ANKRD30A: variants seen among roughly 807,000 people sequenced by gnomAD.
ANKRD30A encodes ankyrin repeat domain 30A, also known as ankyrin repeat domain-containing protein 30A.
A neutral mutation model predicts 166.3 loss-of-function variants in ANKRD30A; 170 were observed. That is an observed-to-expected ratio of 1.02 (90% CI 0.90 to 1.16). The LOEUF (loss-of-function observed/expected upper bound fraction) is 1.16. Ranked by LOEUF, ANKRD30A falls within the 50% of genes most tolerant of loss-of-function variation. The pLI, the probability that ANKRD30A is intolerant of heterozygous loss-of-function variation, is 0.00. For synonymous variants in ANKRD30A, 564 were observed against 508.9 expected, an observed-to-expected ratio of 1.11 and a Z score of -1.46; for missense variants, 1,630 against 1,518.0, an observed-to-expected ratio of 1.07 and a Z score of -1.23.
chr10:37,213,141 T>G (rs1842424343), intron 31 of ANKRD30A, among the ~76,000 whole-genome samples: 1 of 151,856 alleles, frequency 6.6e-6, no homozygotes. Context: ...CTCTGATGTT[T>G]TAGTTCTCTT....
intron 34 of ANKRD30A, among the ~76,000 whole-genome samples, chr10:37,220,653 C>T (rs1481132015): frequency 6.6e-6 from 1 of 151,070 alleles, no homozygotes; most frequent in Non-Finnish European, 1.5e-5. Context: ...AATATTGTTA[C>T]AAATAATTTG....
intron 12 of ANKRD30A, among the ~76,000 whole-genome samples, chr10:37,153,272 T>G (rs1195846450): frequency 6.6e-6 from 1 of 152,216 alleles, no homozygotes; most frequent in Non-Finnish European, 1.5e-5. Flanking sequence ...GTTAGATATT[T>G]TTAAGAGAGA....
In ANKRD30A at chr10:37,193,031, T is replaced by A. The variant is rs781486578; in HGVS notation, c.2513-33T>A. 2.6e-5 allele frequency: 42 copies of A among 1,603,662 alleles called. 1 individual carries two copies. The Middle Eastern group carries it at 8.8e-4, about 33-fold the overall frequency. On this transcript the variant is annotated intron_variant, in intron 25 of 35. Transcript: ENST00000361713. Reference sequence around the variant, plus strand: ...TTCGGTAGGCTTTGTCAAGCTTGCATACAATAAATTATATATGTCCCTTTT... The same window carrying A: ...TTCGGTAGGCTTTGTCAAGCTTGCAAACAATAAATTATATATGTCCCTTTT...
chr10:37,136,004 G>A (rs937549930), intron 5 of ANKRD30A, among the ~76,000 whole-genome samples: 2 of 152,014 alleles, frequency 1.3e-5, no homozygotes, highest in African/African-American at 4.8e-5. Context: ...GTTGCCCAGG[G>A]TTGTCATGAA....
intron 10 of ANKRD30A, 29 bp downstream of exon 10, chr10:37,149,708 T>A: frequency 6.2e-7 from 1 of 1,612,260 alleles, no homozygotes; most frequent in Non-Finnish European, 8.5e-7. Context: ...TCATTTTGAA[T>A]GACTTATTAA....
the ANKRD30A span, among the ~76,000 whole-genome samples, chr10:37,262,264 G>A: frequency 6.6e-6 from 1 of 152,158 alleles, no homozygotes; most frequent in Admixed American, 6.5e-5. Flanking sequence ...CTATTTATGA[G>A]AAGGTCCATC....
chr10:37,232,695 A>AGAGAGAGAG (rs1564604874), downstream of ANKRD30A: 9 of 10,844 alleles, frequency 8.3e-4, no homozygotes, highest in African/African-American at 2.2e-3. Flanking sequence ...TATATATATA[A>AGAGAGAGAG]ATAGAGAGAG....
At chr10:37,134,197 T>C in intron 5 of ANKRD30A, 144 bp downstream of exon 5, 3 of 988,072 alleles carry the variant, frequency 3.0e-6, no homozygotes, top group Non-Finnish European at 4.5e-6. Flanking sequence ...GGATTCTTTA[T>C]TTTAGGACTT....
At chr10:37,238,354 CTTTATG>C in the ANKRD30A span, among the ~76,000 whole-genome samples, 2 of 152,084 alleles carry the variant, frequency 1.3e-5, no homozygotes, top group African/African-American at 4.8e-5. Context: ...TATTATTATA[CTTTATG>C]TTTTAGGGTA....
rs749544336 is a variant in ANKRD30A, at chr10:37,134,009, T to A, written c.711T>A (p.Cys237Ter). The change falls in exon 5 of 36, where the codon TGT becomes TGA. Residue 237 changes from cysteine (C) to a stop codon, truncating the protein, a stop_gained. Coordinates refer to ENST00000361713, the MANE Select transcript of ANKRD30A (RefSeq NM_052997.3). LOFTEE classifies it high-confidence loss of function. ...QNVDVFAADI[C>*]GVTAEHYAVT... ...TTGACGTCTTTGCTGCAGATATATG[T>A]GGAGTAACTGCAGAACATTATGCTG... The A allele has an allele frequency of 6.2e-7, 1 of 1,614,092 alleles. No individual in the cohort carries two copies. Among genetic ancestry groups the A allele is most frequent in the Non-Finnish European group, 8.5e-7 (1 of 1,179,964 alleles).
intron 24 of ANKRD30A, among the ~76,000 whole-genome samples, chr10:37,179,570 T>G (rs1379595775): frequency 2.0e-5 from 3 of 150,228 alleles, no homozygotes; most frequent in Non-Finnish European, 3.0e-5. Flanking sequence ...ATGCTCTAAG[T>G]ATATATCCAA....
At position 37,134,066 on chromosome 10, in the gene ANKRD30A, G is replaced by A. The variant is rs750045617; in HGVS notation, c.755+13G>A. The A allele has an allele frequency of 2.4e-5, 39 of 1,612,942 alleles. No individual in the cohort carries two copies. The highest frequency in any genetic ancestry group is 3.3e-4 in the Middle Eastern group (2 of 6,070). On this transcript the variant is annotated intron_variant, in intron 5 of 35. Coordinates refer to ENST00000361713, the MANE Select transcript of ANKRD30A (RefSeq NM_052997.3). ...GTGGATTTCATCAGTAAGTGTTTACGTTTAGAGGCTAGGTGAGATTTTATA... is the reference window on the plus strand; with the variant it reads ...GTGGATTTCATCAGTAAGTGTTTACATTTAGAGGCTAGGTGAGATTTTATA...
chr10:37,256,353 C>A, the ANKRD30A span, among the ~76,000 whole-genome samples: 1 of 152,176 alleles, frequency 6.6e-6, no homozygotes, highest in African/African-American at 2.4e-5. Context: ...AACTCTGGGG[C>A]TCAAGCAGTC....
rs1408673400 is a variant in ANKRD30A, at chr10:37,167,562, A to G, written c.2155+867A>G. ...TTTTAACATAGAAAATGTTATTAAT[A>G]TTTAAAAATCTGATGCAACTAAATT... On this transcript the variant is annotated intron_variant, in intron 19 of 35. Transcript: ENST00000361713. Among the ~76,000 whole-genome samples, 11 of 151,912 alleles carry G rather than the reference A, an allele frequency of 7.2e-5. No individual in the cohort carries two copies. The East Asian group carries it at 1.9e-3, about 27-fold the overall frequency.
chr10:37,211,951 C>T (rs895774583), intron 31 of ANKRD30A, among the ~76,000 whole-genome samples: 2 of 151,958 alleles, frequency 1.3e-5, no homozygotes, highest in Non-Finnish European at 2.9e-5. Context: ...AGTGTCTGTT[C>T]ATATCCTTTG....
the ANKRD30A span, among the ~76,000 whole-genome samples, chr10:37,262,763 C>A: frequency 6.6e-6 from 1 of 152,112 alleles, no homozygotes; most frequent in Non-Finnish European, 1.5e-5. Flanking sequence ...CAACAGTCAT[C>A]TCATTTCAAA....
chr10:37,216,071 G>A (rs752693716), intron 31 of ANKRD30A, 110 bp from the exon 32 acceptor site: 3 of 677,758 alleles, frequency 4.4e-6, no homozygotes, highest in Non-Finnish European at 6.9e-6. Context: ...CTTCCACGTG[G>A]TAGGCAATCA....
chr10:37,154,021 G>A (rs556855306), intron 13 of ANKRD30A, among the ~76,000 whole-genome samples: 1 of 152,168 alleles, frequency 6.6e-6, no homozygotes, highest in Non-Finnish European at 1.5e-5. Context: ...ATGATAAAAT[G>A]AAATGATTCT....
chr10:37,200,701 G>T (rs1025931526), intron 30 of ANKRD30A, among the ~76,000 whole-genome samples: 29 of 152,100 alleles, frequency 1.9e-4, no homozygotes, highest in African/African-American at 6.7e-4. Flanking sequence ...ACTTGTTGCT[G>T]ATTTTAAGCC....
Sources: allele counts gnomAD v4.1 joint callset (sites outside exome capture counted in the v4.1 genomes callset), GRCh38; gene constraint gnomAD v4.1.1; transcripts MANE v1.5; gene names NCBI Gene and HGNC (gene_info 2026-07-23, HGNC 2026-07-21).